Variants in CBLL1 observed in about 807,000 individuals in gnomAD.
CBLL1 encodes the protein Cbl proto-oncogene like 1, also known as E3 ubiquitin-protein ligase Hakai.
A neutral mutation model predicts 44.9 loss-of-function variants in CBLL1; 4 were observed. The ratio of observed to expected loss-of-function variants is 0.09; its 90% CI spans 0.04 to 0.20. The LOEUF is 0.20. Among genes scored for constraint, CBLL1 ranks in the 10% least tolerant of loss-of-function variants. The pLI is 1.00. For synonymous variants in CBLL1, 235 were observed against 202.2 expected (o/e 1.16, Z -1.38); for missense variants, 569 against 636.7 (o/e 0.89, Z 1.14).
chr7:107,757,844 G>A (rs1793598543), intron 5 of CBLL1, among the ~76,000 whole-genome samples: 1 of 152,030 alleles, frequency 6.6e-6, no homozygotes, highest in South Asian at 2.1e-4. Flanking sequence ...GATGCAGAAG[G>A]TACAATTGTT....
At chr7:107,756,562 G>GTA (rs776104439) in intron 5 of CBLL1, among the ~76,000 whole-genome samples, 20 of 152,004 alleles carry the variant, frequency 1.3e-4, no homozygotes, top group Non-Finnish European at 2.6e-4. Flanking sequence ...TTTCAGCATG[G>GTA]TATACATTCA....
In CBLL1 at chr7:107,758,584, C is replaced by G; in HGVS notation, c.882C>G (p.Thr294=). The change falls in exon 6 of 6, where the codon ACC becomes ACG. Residue 294 remains threonine, a synonymous_variant. Transcript: ENST00000440859. This position sits in a 1 kb window ranked among gnomAD's most constrained non-coding sequence, Gnocchi z 4.2. The part of the protein sequence containing the change: ...ISTRKHSNLI[T]VPIQDDSNSG... ...CAAGAAAACACAGCAATTTAATAACCGTCCCTATTCAGGATGACTCAAATT... is the reference window on the plus strand; with the variant it reads ...CAAGAAAACACAGCAATTTAATAACGGTCCCTATTCAGGATGACTCAAATT... The G allele has an allele frequency of 6.2e-7, 1 of 1,613,938 alleles. No homozygotes were observed. The highest frequency in any genetic ancestry group is 8.5e-7 in the Non-Finnish European group (1 of 1,179,976).
intron 2 of CBLL1, among the ~76,000 whole-genome samples, chr7:107,753,162 T>C (rs1433536450): frequency 6.6e-6 from 1 of 152,190 alleles, no homozygotes; most frequent in African/African-American, 2.4e-5. Context: ...GCCACTTATC[T>C]TCTATATGTT....
chr7:107,761,577 T>C lies in CBLL1; in HGVS notation c.*2399T>C, dbSNP rs1045484184. 13 of 152,192 alleles carry C rather than the reference T, an allele frequency of 8.5e-5. No homozygotes were observed. Among genetic ancestry groups the C allele is most frequent in the African/African-American group, 3.1e-4 (13 of 41,452 alleles). The allele number at this position is 152,192 out of a possible 1,614,324, so 9.4% of individuals were successfully genotyped here. A position where few individuals can be genotyped will look rare whatever the true frequency, so the allele number is the denominator to read the frequency against. ...AGCTATGATGGACATAAGTCTAAAT[T>C]AAATGTATGTATGTTTCATTATATT... On this transcript the variant is annotated 3_prime_UTR_variant, in exon 6 of 6. Transcript: ENST00000440859.
At position 107,758,099 on chromosome 7, in the gene CBLL1, G is replaced by A; in HGVS notation, c.441-44G>A. 4.0e-6 allele frequency: 6 copies of A among 1,495,878 alleles called. No individual in the cohort carries two copies. Among genetic ancestry groups the A allele is most frequent in the Non-Finnish European group, 5.4e-6 (6 of 1,114,272 alleles). 92.7% of individuals were successfully genotyped at this position (1,495,878 alleles called of 1,614,324 possible). On this transcript the variant is annotated intron_variant, in intron 5 of 5. Coordinates refer to ENST00000440859, the MANE Select transcript of CBLL1 (RefSeq NM_024814.4). The surrounding 1 kb of genome is among the most constrained non-coding windows in gnomAD (Gnocchi z 4.2). ...ATTTTTGAAAATTACATAATTTTTT[G>A]TATTCTCTTTTAGTAAATCACATTT...
intron 4 of CBLL1, 29 bp from the exon 5 acceptor site, chr7:107,755,389 G>T: frequency 7.4e-7 from 1 of 1,343,580 alleles, no homozygotes; most frequent in Non-Finnish European, 1.0e-6. Context: ...GTTCTAATAT[G>T]CTTAACTGTA....
chr7:107,745,184 GTTC>G (rs1792950640), intron 1 of CBLL1, among the ~76,000 whole-genome samples: 1 of 152,058 alleles, frequency 6.6e-6, no homozygotes, highest in African/African-American at 2.4e-5. Context: ...CAGACAATAC[GTTC>G]TTTTTTTTTA....
intron 5 of CBLL1, among the ~76,000 whole-genome samples, chr7:107,757,365 A>C (rs1365429461): frequency 6.6e-6 from 1 of 152,202 alleles, no homozygotes; most frequent in Non-Finnish European, 1.5e-5. Flanking sequence ...AATGACTTCA[A>C]ATTACTGAGC....
chr7:107,753,484 T>A lies in CBLL1; in HGVS notation c.255T>A (p.Phe85Leu). 1 of 1,587,404 alleles carries A rather than the reference T, an allele frequency of 6.3e-7. No homozygotes were observed. The stretch of plus-strand genomic sequence containing the variant: ...AGCTGTTTGCAAATCAGCGAAGATT[T>A]CCTGGACACCTTTTTTGGGACTTTC... Reference protein sequence around the residue: ...GGELFANQRRFPGHLFWDFQI... With the variant: ...GGELFANQRRLPGHLFWDFQI... Residue 85 changes from phenylalanine to leucine, a missense_variant, in exon 3 of 6, where the codon TTT (phenylalanine) becomes TTA (leucine). Phe to Leu is a conservative substitution (Grantham distance 22). Around this residue, in one of 5 missense-constraint regions of CBLL1, gnomAD observed 209 missense variants for 202.8 expected, o/e 1.03. Transcript: ENST00000440859.
At chr7:107,752,914 T>C (rs1005617537) in intron 2 of CBLL1, among the ~76,000 whole-genome samples, 1 of 152,250 alleles carries the variant, frequency 6.6e-6, no homozygotes, top group Non-Finnish European at 1.5e-5. Flanking sequence ...AAGAAGAGGA[T>C]AACTTGTTTG....
At chr7:107,749,655 C>T (rs1446096741) in intron 2 of CBLL1, among the ~76,000 whole-genome samples, 1 of 147,992 alleles carries the variant, frequency 6.8e-6, no homozygotes, top group East Asian at 2.0e-4. Context: ...CTAAAATCCA[C>T]AGTATCTGTC....
chr7:107,744,205 G>C (rs1237234517), intron 1 of CBLL1, 29 bp downstream of exon 1: 4 of 1,541,192 alleles, frequency 2.6e-6, no homozygotes, highest in Non-Finnish European at 3.5e-6. Context: ...TGGGGGTCCC[G>C]GTTCCAAGCC....
intron 1 of CBLL1, 126 bp from the exon 2 acceptor site, chr7:107,748,754 A>G: frequency 1.4e-6 from 1 of 717,386 alleles, no homozygotes; most frequent in Admixed American, 3.0e-5. Flanking sequence ...ACTTAATGTA[A>G]TATTGAAAAT....
chr7:107,756,473 TA>T (rs1183863437), intron 5 of CBLL1, among the ~76,000 whole-genome samples: 36 of 152,334 alleles, frequency 2.4e-4, no homozygotes, highest in Non-Finnish European at 5.1e-4. Context: ...ATTTTGTTTA[TA>T]GAATTATAAT....
At chr7:107,749,603 T>C (rs1793182427) in intron 2 of CBLL1, among the ~76,000 whole-genome samples, 1 of 85,408 alleles carries the variant, frequency 1.2e-5, no homozygotes, top group African/African-American at 3.1e-5. Flanking sequence ...GATTTGGCCT[T>C]TTTTTTTTTT....
chr7:107,749,140 T>G lies in CBLL1; in HGVS notation c.181+93T>G, dbSNP rs540888936. 2.8e-6 allele frequency: 3 copies of G among 1,077,978 alleles called. No homozygotes were observed. The South Asian group carries it at 5.4e-5, about 19-fold the overall frequency. 66.8% of individuals were successfully genotyped at this position (1,077,978 alleles called of 1,614,324 possible). A position where few individuals can be genotyped will look rare whatever the true frequency, so the allele number is the denominator to read the frequency against. ...GATCTTATAGCTACCTCTTTTTGTC[T>G]TACATATTCTATTCATTCTTCAACC... On this transcript the variant is annotated intron_variant, in intron 2 of 5. Coordinates refer to ENST00000440859, the MANE Select transcript of CBLL1 (RefSeq NM_024814.4).
At position 107,759,776 on chromosome 7, in the gene CBLL1, G is replaced by A. The variant is rs1793695149; in HGVS notation, c.*598G>A. On this transcript the variant is annotated 3_prime_UTR_variant, in exon 6 of 6. Transcript: ENST00000440859. ...TGAAATGTTGAGGTTTCGAGGTATA[G>A]TAAGTATACAATGCACTTCACTTGG... 6.6e-6 allele frequency: 1 copy of A among 152,532 alleles called. No individual in the cohort carries two copies. The highest frequency in any genetic ancestry group is 2.4e-5 in the African/African-American group (1 of 41,434). The allele number at this position is 152,532 out of a possible 1,614,324, so 9.4% of individuals were successfully genotyped here. A position where few individuals can be genotyped will look rare whatever the true frequency, so the allele number is the denominator to read the frequency against.
intron 5 of CBLL1, among the ~76,000 whole-genome samples, chr7:107,756,860 C>G (rs898847656): frequency 3.3e-5 from 5 of 152,174 alleles, no homozygotes; most frequent in African/African-American, 1.2e-4. Context: ...AGAAGCCTAT[C>G]TGGATTAACA....
intron 5 of CBLL1, among the ~76,000 whole-genome samples, chr7:107,757,914 C>CGA (rs897832212): frequency 6.6e-6 from 1 of 151,892 alleles, no homozygotes; most frequent in African/African-American, 2.4e-5. Context: ...TGAAACATAC[C>CGA]GTTTGATATT....
Sources: gnomAD v4.1 joint callset for allele counts (sites outside exome capture counted in the v4.1 genomes callset) on GRCh38, gnomAD v4.1.1 for gene constraint, gnomAD v4.1.1 regional missense constraint, Gnocchi (gnomAD v3.1) non-coding constraint, MANE v1.5 for transcripts, NCBI Gene and HGNC (gene_info 2026-07-23, HGNC 2026-07-21) for gene names.